The following IGSF21 variants were observed in gnomAD, a reference collection of about 807,000 sequenced individuals.
IGSF21 encodes immunoglobin superfamily member 21, also known as immunoglobulin superfamily member 21.
Under a neutral mutation model 46.8 loss-of-function variants are expected in IGSF21, and 28 were observed. The ratio of observed to expected loss-of-function variants is 0.60; its 90% CI spans 0.44 to 0.82. The LOEUF is 0.82. Among genes scored for constraint, IGSF21 ranks in the 40% least tolerant of loss-of-function variants. The pLI, the probability that IGSF21 is intolerant of heterozygous loss-of-function variation, is 0.00. For missense variants in IGSF21, 624 were observed against 665.5 expected, an observed-to-expected ratio of 0.94 and a Z score of 0.69; for synonymous variants, 284 against 273.6, an observed-to-expected ratio of 1.04 and a Z score of -0.38.
chr1:18,307,189 A>C, intron 3 of IGSF21, among the ~76,000 whole-genome samples: 1 of 151,348 alleles, frequency 6.6e-6, no homozygotes. Flanking sequence ...GGGCATGTTG[A>C]GTATTTTGTG....
chr1:18,377,909 C>T (rs1368055413), intron 9 of IGSF21, among the ~76,000 whole-genome samples: 2 of 152,192 alleles, frequency 1.3e-5, no homozygotes, highest in African/African-American at 2.4e-5. Context: ...CATCCCCCAA[C>T]CTGCTCTAGC....
chr1:18,275,042 A>G (rs2085086275), intron 2 of IGSF21, among the ~76,000 whole-genome samples: 2 of 134,958 alleles, frequency 1.5e-5, no homozygotes, highest in Admixed American at 1.5e-4. Context: ...AAACAAACAA[A>G]CAAAAAAGAA....
In IGSF21 at chr1:18,109,010, G is replaced by GTGTGTGTGTGTGTGTGTGTGTGTT. The variant is rs2086117349; in HGVS notation, c.70+817_70+818insGTGTGTGTGTGTGTGTGTTTGTGT. ...AGTGTGTGTGTGTGTGTGTGTGTGTGTGTGTCCCGCCGTGTGGACTTGCTC... is the reference window on the plus strand; with the variant it reads ...AGTGTGTGTGTGTGTGTGTGTGTGTGTGTGTGTGTGTGTGTGTGTGTGTTTGTGTCCCGCCGTGTGGACTTGCTC... On this transcript the variant is annotated intron_variant, in intron 1 of 9. Coordinates refer to ENST00000251296, the MANE Select transcript of IGSF21 (RefSeq NM_032880.5). This position sits in a 1 kb window ranked among gnomAD's most constrained non-coding sequence, Gnocchi z 4.8. Among the ~76,000 whole-genome samples the GTGTGTGTGTGTGTGTGTGTGTGTT allele has an allele frequency of 6.6e-6, 1 of 151,412 alleles. No homozygotes were observed. Among genetic ancestry groups the GTGTGTGTGTGTGTGTGTGTGTGTT allele is most frequent in the Non-Finnish European group, 1.5e-5 (1 of 67,792 alleles).
intron 4 of IGSF21, among the ~76,000 whole-genome samples, chr1:18,340,465 A>G (rs1040249786): frequency 2.6e-5 from 4 of 152,222 alleles, no homozygotes; most frequent in Admixed American, 6.5e-5. Context: ...CTTACTGAGC[A>G]TTCCCCAGGT....
chr1:18,210,271 C>G (rs1198570988), intron 1 of IGSF21, among the ~76,000 whole-genome samples: 1 of 152,182 alleles, frequency 6.6e-6, no homozygotes. Context: ...CCCAGACACT[C>G]TCCTTTGTGA....
chr1:18,230,986 T>C (rs1461643459), intron 2 of IGSF21, among the ~76,000 whole-genome samples: 1 of 151,928 alleles, frequency 6.6e-6, no homozygotes, highest in African/African-American at 2.4e-5. Flanking sequence ...GTACGTGTGT[T>C]TGCTTCCCGT....
intron 4 of IGSF21, among the ~76,000 whole-genome samples, chr1:18,342,582 C>A (rs990966493): frequency 6.6e-6 from 1 of 152,154 alleles, no homozygotes; most frequent in Non-Finnish European, 1.5e-5. Flanking sequence ...TACACACCAC[C>A]CCACATTGTC....
intron 2 of IGSF21, among the ~76,000 whole-genome samples, chr1:18,233,267 G>A (rs1446941132): frequency 1.3e-5 from 2 of 152,150 alleles, no homozygotes; most frequent in African/African-American, 4.8e-5. Context: ...TTCACCATGT[G>A]GGAAGATGCA....
chr1:18,144,377 C>T (rs891529512), intron 1 of IGSF21, among the ~76,000 whole-genome samples: 6 of 152,296 alleles, frequency 3.9e-5, no homozygotes, highest in African/African-American at 7.2e-5. Flanking sequence ...CTCAGTTCCC[C>T]AGGTCCCACC....
intron 2 of IGSF21, among the ~76,000 whole-genome samples, chr1:18,249,222 T>G (rs1452883504): frequency 6.6e-6 from 1 of 152,072 alleles, no homozygotes; most frequent in Non-Finnish European, 1.5e-5. Flanking sequence ...TCTTATCTGC[T>G]TGCTAGCTGT....
intron 3 of IGSF21, among the ~76,000 whole-genome samples, chr1:18,315,212 A>G (rs757637427): frequency 9.9e-5 from 15 of 152,136 alleles, no homozygotes; most frequent in Non-Finnish European, 2.1e-4. Flanking sequence ...CAGATAATGC[A>G]ACAGCGAGCT....
At chr1:18,249,897 G>A (rs2124525708) in intron 2 of IGSF21, among the ~76,000 whole-genome samples, 1 of 152,294 alleles carries the variant, frequency 6.6e-6, no homozygotes, top group East Asian at 1.9e-4. Context: ...CCTGCTGCCA[G>A]GGGAGGCATT....
At position 18,362,589 on chromosome 1, in the gene IGSF21, C is replaced by T. The variant is rs79715569; in HGVS notation, c.540+359C>T. 2.5e-3 allele frequency among the ~76,000 whole-genome samples: 374 copies of T among 152,226 alleles called. 1 individual carries two copies. Among genetic ancestry groups the T allele is most frequent in the African/African-American group, 8.6e-3 (358 of 41,522 alleles). ...GGCCCCGAGAGGAAAAGGGGCTTGT[C>T]CCAAGTCACCATGGCACTCCTGACA... On this transcript the variant is annotated intron_variant, in intron 5 of 9. Transcript: ENST00000251296.
At chr1:18,249,362 G>T (rs759122291) in intron 2 of IGSF21, among the ~76,000 whole-genome samples, 1 of 152,172 alleles carries the variant, frequency 6.6e-6, no homozygotes, top group Non-Finnish European at 1.5e-5. Flanking sequence ...GCAGTTGGGG[G>T]TGGATCATGG....
intron 3 of IGSF21, among the ~76,000 whole-genome samples, chr1:18,323,758 C>A (rs1215795354): frequency 6.6e-6 from 1 of 152,124 alleles, no homozygotes; most frequent in African/African-American, 2.4e-5. Flanking sequence ...GCCCTGCATT[C>A]CAGTGGATGC....
chr1:18,307,878 G>A (rs933797609), intron 3 of IGSF21, among the ~76,000 whole-genome samples: 14 of 152,158 alleles, frequency 9.2e-5, no homozygotes, highest in African/African-American at 3.4e-4. Flanking sequence ...AGTAAAGGAG[G>A]GCTCGACCCC....
intron 2 of IGSF21, among the ~76,000 whole-genome samples, chr1:18,231,560 GGTT>G: frequency 6.6e-6 from 1 of 152,162 alleles, no homozygotes; most frequent in Admixed American, 6.5e-5. Flanking sequence ...CCTTGGTCTG[GGTT>G]GTCCAATATG....
chr1:18,198,659 G>A (rs775286378), intron 1 of IGSF21, among the ~76,000 whole-genome samples: 1 of 152,184 alleles, frequency 6.6e-6, no homozygotes. Flanking sequence ...GGAGGAGGCC[G>A]GCAGTATAAA....
chr1:18,212,872 C>T (rs2124492516), intron 1 of IGSF21, among the ~76,000 whole-genome samples: 1 of 152,228 alleles, frequency 6.6e-6, no homozygotes, highest in East Asian at 1.9e-4. Flanking sequence ...TCCCCTCACC[C>T]ACCACCAAGG....
Sources: gnomAD v4.1 joint callset for allele counts (sites outside exome capture counted in the v4.1 genomes callset) on GRCh38, gnomAD v4.1.1 for gene constraint, Gnocchi (gnomAD v3.1) non-coding constraint, MANE v1.5 for transcripts, NCBI Gene and HGNC (gene_info 2026-07-23, HGNC 2026-07-21) for gene names.